Variants in CACNA1E observed in about 807,000 individuals in gnomAD.
The protein encoded by CACNA1E is calcium voltage-gated channel subunit alpha1 E.
A neutral mutation model predicts 259.2 loss-of-function variants in CACNA1E; 40 were observed. The observed-to-expected ratio is 0.15, with a 90% confidence interval of 0.12 to 0.20. The LOEUF (loss-of-function observed/expected upper bound fraction) is 0.20, where lower values mean the gene tolerates loss of function less well. Ranked by LOEUF, CACNA1E falls within the 10% of genes least tolerant of loss-of-function variation. CACNA1E has a pLI of 1.00. For synonymous variants in CACNA1E, 1,104 were observed against 1,138.5 expected (o/e 0.97, Z 0.61); for missense variants, 1,874 against 3,040.1 (o/e 0.62, Z 9.02).
chr1:181,573,400 G>T (rs1269729338), intron 3 of CACNA1E, among the ~76,000 whole-genome samples: 1 of 152,094 alleles, frequency 6.6e-6, no homozygotes, highest in Middle Eastern at 3.2e-3. Context: ...ATTAAGCCCT[G>T]GTACTTACAA....
chr1:181,536,205 C>A (rs917207055), intron 3 of CACNA1E, among the ~76,000 whole-genome samples: 2 of 151,994 alleles, frequency 1.3e-5, no homozygotes, highest in African/African-American at 2.4e-5. Flanking sequence ...CTCTGCTTCT[C>A]CACTTCTTAA....
At chr1:181,489,687 A>C (rs1285985263) in intron 1 of CACNA1E, among the ~76,000 whole-genome samples, 1 of 152,194 alleles carries the variant, frequency 6.6e-6, no homozygotes, top group Non-Finnish European at 1.5e-5. Flanking sequence ...GGGTTTTCAC[A>C]CTGATAAATG....
intron 1 of CACNA1E, among the ~76,000 whole-genome samples, chr1:181,489,439 TC>T (rs1664126144): frequency 6.6e-6 from 1 of 152,196 alleles, no homozygotes; most frequent in Non-Finnish European, 1.5e-5. Flanking sequence ...AGGACCAACT[TC>T]AGGAATCTAC....
intron 1 of CACNA1E, among the ~76,000 whole-genome samples, chr1:181,502,575 G>T (rs1201540560): frequency 6.6e-6 from 1 of 152,162 alleles, no homozygotes; most frequent in Non-Finnish European, 1.5e-5. Context: ...AGCCCTCTTG[G>T]CTCTCCATCT....
intron 32 of CACNA1E, among the ~76,000 whole-genome samples, chr1:181,761,442 C>G (rs1658576666): frequency 1.3e-5 from 2 of 152,196 alleles, no homozygotes; most frequent in African/African-American, 4.8e-5. Context: ...TAGTGTCTGG[C>G]TCATGTAGGA....
In CACNA1E at chr1:181,638,806, G is replaced by A. The variant is rs150885117; in HGVS notation, c.952-12532G>A. Among the ~76,000 whole-genome samples, 440 of 152,262 alleles carry A rather than the reference G, an allele frequency of 2.9e-3. 3 individuals carry two copies. Among genetic ancestry groups the A allele is most frequent in the African/African-American group, 0.01 (418 of 41,562 alleles). ...TTATAAGTGTTTGGTAGTTCCTCCT[G>A]CATTCATTCTCCATCCTCCCTCCTT... On this transcript the variant is annotated intron_variant, in intron 6 of 47. Coordinates refer to ENST00000367573, the MANE Select transcript of CACNA1E (RefSeq NM_001205293.3).
chr1:181,713,719 G>A (rs941241006), intron 8 of CACNA1E, among the ~76,000 whole-genome samples: 1 of 152,120 alleles, frequency 6.6e-6, no homozygotes, highest in African/African-American at 2.4e-5. Flanking sequence ...GAGGCCTCTG[G>A]CTCCCTGGCC....
intron 12 of CACNA1E, among the ~76,000 whole-genome samples, chr1:181,719,359 A>T (rs1008837907): frequency 3.3e-5 from 5 of 152,214 alleles, no homozygotes; most frequent in Non-Finnish European, 1.5e-5. Flanking sequence ...TCTTGTTAGC[A>T]CTAAATTTTA....
At chr1:181,688,955 T>C (rs1022016722) in intron 7 of CACNA1E, among the ~76,000 whole-genome samples, 3 of 152,210 alleles carry the variant, frequency 2.0e-5, no homozygotes, top group African/African-American at 7.2e-5. Context: ...TCTTTGAGGT[T>C]CACTTATGTT....
At position 181,607,425 on chromosome 1, in the gene CACNA1E, A is replaced by G. The variant is rs536271059; in HGVS notation, c.951+26649A>G. Reference sequence around the variant, plus strand: ...TTCCTTGGATGTTTTATAGACATGTATGTACCTTTCAGTCCCTGTCTAGGT... The same window carrying G: ...TTCCTTGGATGTTTTATAGACATGTGTGTACCTTTCAGTCCCTGTCTAGGT... On this transcript the variant is annotated intron_variant, in intron 6 of 47. Coordinates refer to ENST00000367573, the MANE Select transcript of CACNA1E (RefSeq NM_001205293.3). Among the ~76,000 whole-genome samples the G allele has an allele frequency of 9.9e-5, 15 of 152,248 alleles. No homozygotes were observed. In the South Asian group the frequency reaches 2.9e-3, roughly 30 times the overall value.
intron 1 of CACNA1E, among the ~76,000 whole-genome samples, chr1:181,320,886 A>C (rs1163641472): frequency 6.6e-6 from 1 of 152,116 alleles, no homozygotes; most frequent in African/African-American, 2.4e-5. Flanking sequence ...GGAATACCTG[A>C]GGCTGGATAA....
At chr1:181,345,481 C>T (rs558303594) in intron 1 of CACNA1E, among the ~76,000 whole-genome samples, 3 of 152,132 alleles carry the variant, frequency 2.0e-5, no homozygotes, top group Non-Finnish European at 2.9e-5. Flanking sequence ...GAGTGGCTAC[C>T]GAGAAGGCTC....
intron 3 of CACNA1E, 102 bp from the exon 4 acceptor site, chr1:181,577,664 G>A (rs1572263342): frequency 1.4e-6 from 1 of 700,266 alleles, no homozygotes; most frequent in East Asian, 2.8e-5. Context: ...CGTCAGCGCT[G>A]TGTGCTTTCC....
chr1:181,720,911 C>T, intron 15 of CACNA1E, 56 bp downstream of exon 15: 1 of 1,075,658 alleles, frequency 9.3e-7, no homozygotes, highest in Non-Finnish European at 1.4e-6. Context: ...GGACTGCACA[C>T]TGCAAGACAA....
intron 32 of CACNA1E, 129 bp from the exon 33 acceptor site, chr1:181,762,445 G>A (rs1658665169): frequency 3.1e-6 from 2 of 646,996 alleles, no homozygotes; most frequent in Non-Finnish European, 5.5e-6. Context: ...CAAAGTAAGA[G>A]TGAACTTATG....
At chr1:181,323,393 C>T (rs1650520295) in intron 1 of CACNA1E, among the ~76,000 whole-genome samples, 1 of 152,126 alleles carries the variant, frequency 6.6e-6, no homozygotes, top group Non-Finnish European at 1.5e-5. Flanking sequence ...AGCACTTAAA[C>T]CTGCTGGGTC....
intron 37 of CACNA1E, among the ~76,000 whole-genome samples, chr1:181,775,454 C>G (rs1205673144): frequency 2.0e-5 from 3 of 152,192 alleles, no homozygotes; most frequent in Non-Finnish European, 4.4e-5. Context: ...TGGTTTCCCA[C>G]CCACCCTACA....
intron 7 of CACNA1E, among the ~76,000 whole-genome samples, chr1:181,677,597 G>A (rs1407943012): frequency 1.3e-5 from 2 of 152,148 alleles, no homozygotes; most frequent in East Asian, 3.9e-4. Flanking sequence ...TTCAAAAGAA[G>A]TATGAAACCT....
intron 6 of CACNA1E, among the ~76,000 whole-genome samples, chr1:181,645,640 C>T (rs1658198382): frequency 6.6e-6 from 1 of 152,246 alleles, no homozygotes; most frequent in African/African-American, 2.4e-5. Flanking sequence ...TGCAGGCCCA[C>T]CTGCCCCAGT....
Sources: gnomAD v4.1 joint callset for allele counts (sites outside exome capture counted in the v4.1 genomes callset) on GRCh38, gnomAD v4.1.1 for gene constraint, MANE v1.5 for transcripts, NCBI Gene and HGNC (gene_info 2026-07-23, HGNC 2026-07-21) for gene names.